Variants in ISCA1 observed in about 807,000 individuals in gnomAD.
The protein encoded by ISCA1 is iron-sulfur cluster assembly 1.
ISCA1 carries 9 observed loss-of-function variants against 14.7 expected under a neutral mutation model. The ratio of observed to expected loss-of-function variants is 0.61; its 90% CI spans 0.37 to 1.07. The LOEUF is 1.07. Among genes scored for constraint, ISCA1 ranks in the 50% least tolerant of loss-of-function variants. The probability of loss-of-function intolerance (pLI) is 0.01; values close to 1 mark genes in which losing one functional copy is unlikely to be tolerated. For missense variants in ISCA1, 102 were observed against 150.1 expected, an observed-to-expected ratio of 0.68 and a Z score of 1.67; for synonymous variants, 38 against 54.3, an observed-to-expected ratio of 0.70 and a Z score of 1.32.
At chr9:86,279,202 G>A (rs551667220) in intron 1 of ISCA1, among the ~76,000 whole-genome samples, 5 of 152,230 alleles carry the variant, frequency 3.3e-5, no homozygotes, top group African/African-American at 9.6e-5. Flanking sequence ...GGCACCTTCC[G>A]TACACAATGA....
intron 3 of ISCA1, among the ~76,000 whole-genome samples, chr9:86,268,269 G>A (rs1825315190): frequency 6.6e-6 from 1 of 152,004 alleles, no homozygotes; most frequent in South Asian, 2.1e-4. Flanking sequence ...CAGGGATATT[G>A]ATGAACCTGA....
chr9:86,271,086 G>C (rs1825363211), intron 3 of ISCA1, among the ~76,000 whole-genome samples: 1 of 148,944 alleles, frequency 6.7e-6, no homozygotes, highest in African/African-American at 2.6e-5. Context: ...AAAACTTAAA[G>C]TATAATAATA....
chr9:86,266,260 A>G lies in ISCA1; in HGVS notation c.242-69T>C, dbSNP rs895879774. On this transcript the variant is annotated intron_variant, in intron 3 of 3. Transcript: ENST00000375991. Reference sequence around the variant, plus strand: ...ATGGAACTTGCTGATTCAAAGCACAAGTGAACTTGAAATAGTGACTATCAA... The same window carrying G: ...ATGGAACTTGCTGATTCAAAGCACAGGTGAACTTGAAATAGTGACTATCAA... 4 of 1,521,924 alleles carry G rather than the reference A, an allele frequency of 2.6e-6. No individual in the cohort carries two copies. The African/African-American group carries it at 5.6e-5, about 21-fold the overall frequency. The allele number at this position is 1,521,924 out of a possible 1,614,324, so 94.3% of individuals were successfully genotyped here.
intron 1 of ISCA1, among the ~76,000 whole-genome samples, chr9:86,274,619 C>G (rs1193624563): frequency 2.6e-5 from 4 of 152,142 alleles, no homozygotes; most frequent in African/African-American, 9.7e-5. Flanking sequence ...ATGAAGGAAT[C>G]AAGTATCTCA....
chr9:86,269,408 G>A (rs1256920687), intron 3 of ISCA1, among the ~76,000 whole-genome samples: 1 of 152,102 alleles, frequency 6.6e-6, no homozygotes, highest in Non-Finnish European at 1.5e-5. Flanking sequence ...TCTTCAAGGA[G>A]AACTACAAAC....
At chr9:86,278,288 G>A (rs993876865) in intron 1 of ISCA1, among the ~76,000 whole-genome samples, 3 of 151,980 alleles carry the variant, frequency 2.0e-5, no homozygotes, top group African/African-American at 7.3e-5. Context: ...GTCAAAATAA[G>A]AAAAGACAAA....
intron 1 of ISCA1, among the ~76,000 whole-genome samples, chr9:86,277,838 G>A (rs1386947837): frequency 1.3e-5 from 2 of 152,182 alleles, no homozygotes; most frequent in African/African-American, 4.8e-5. Flanking sequence ...CTTTTAAAGT[G>A]AGAGGTTATC....
At chr9:86,273,766 C>T (rs1401519289) in intron 2 of ISCA1, among the ~76,000 whole-genome samples, 1 of 152,170 alleles carries the variant, frequency 6.6e-6, no homozygotes, top group East Asian at 1.9e-4. Flanking sequence ...ACAGTCACCT[C>T]TCCGTATCGG....
At chr9:86,273,759 G>C (rs117722836) in intron 2 of ISCA1, among the ~76,000 whole-genome samples, 50 of 152,256 alleles carry the variant, frequency 3.3e-4, no homozygotes, top group Admixed American at 7.8e-4. Flanking sequence ...ACTCTATACA[G>C]TCACCTCTCC....
At chr9:86,281,603 T>C (rs1239546394) in intron 1 of ISCA1, among the ~76,000 whole-genome samples, 1 of 152,236 alleles carries the variant, frequency 6.6e-6, no homozygotes, top group Non-Finnish European at 1.5e-5. Context: ...AATTTTATGT[T>C]ATGTGGATTT....
chr9:86,282,274 G>A (rs1825530361), intron 1 of ISCA1, 104 bp downstream of exon 1: 4 of 1,267,710 alleles, frequency 3.2e-6, no homozygotes, highest in Middle Eastern at 2.8e-4. Context: ...GAGGTCTGAC[G>A]TGTCCGCGTC....
chr9:86,268,564 G>A (rs956908810), intron 3 of ISCA1, among the ~76,000 whole-genome samples: 1 of 151,786 alleles, frequency 6.6e-6, no homozygotes, highest in Non-Finnish European at 1.5e-5. Flanking sequence ...ACGGAGGAAC[G>A]TCCTAGGCTT....
intron 1 of ISCA1, among the ~76,000 whole-genome samples, chr9:86,277,772 C>G (rs1005310349): frequency 6.6e-6 from 1 of 152,128 alleles, no homozygotes; most frequent in Non-Finnish European, 1.5e-5. Flanking sequence ...TAAGAGCTTC[C>G]TGAAGCCCAC....
rs1825289096 is a variant in ISCA1, at chr9:86,266,065, C to T, written c.368G>A (p.Cys123Tyr). 1 of 1,611,936 alleles carries T rather than the reference C, an allele frequency of 6.2e-7. No individual in the cohort carries two copies. Among genetic ancestry groups the T allele is most frequent in the African/African-American group, 1.3e-5 (1 of 74,846 alleles). ...NNPNIKGTCG[C>Y]GESFNI The stretch of plus-strand genomic sequence containing the variant: ...ATTTCAAATATTAAAGCTTTCTCCA[C>T]AGCCACAAGTCCCTTTGATGTTTGG... Residue 123 changes from cysteine to tyrosine, a missense_variant, in exon 4 of 4, where the codon TGT becomes TAT. Coordinates refer to ENST00000375991, the MANE Select transcript of ISCA1 (RefSeq NM_030940.4).
At chr9:86,278,253 T>A (rs1825466487) in intron 1 of ISCA1, among the ~76,000 whole-genome samples, 1 of 152,058 alleles carries the variant, frequency 6.6e-6, no homozygotes, top group Non-Finnish European at 1.5e-5. Context: ...AATCATTCTT[T>A]AACAGCCATG....
intron 1 of ISCA1, among the ~76,000 whole-genome samples, chr9:86,274,737 G>A (rs892507862): frequency 1.3e-5 from 2 of 151,968 alleles, no homozygotes; most frequent in Non-Finnish European, 2.9e-5. Context: ...ATAGCTTGAG[G>A]AAACAGTGTT....
chr9:86,273,202 C>A (rs914450350), intron 2 of ISCA1, among the ~76,000 whole-genome samples: 1 of 152,200 alleles, frequency 6.6e-6, no homozygotes, highest in Admixed American at 6.5e-5. Context: ...ACAACAGAAA[C>A]CAGAAATCAC....
rs1587816834 is a variant in ISCA1 at position 86,265,738 on chromosome 9, G to A, written c.*305C>T. 8 of 415,754 alleles carry A rather than the reference G, an allele frequency of 1.9e-5. No homozygotes were observed. The East Asian group carries it at 2.8e-4, about 14-fold the overall frequency. 25.8% of individuals were successfully genotyped at this position (415,754 alleles called of 1,614,324 possible). On this transcript the variant is annotated 3_prime_UTR_variant, in exon 4 of 4. Coordinates refer to ENST00000375991, the MANE Select transcript of ISCA1 (RefSeq NM_030940.4). ...GAGGGATGATCAAGCCATCAATAGC[G>A]ATCTAAGGAGTGCACACAGTTCAGG...
intron 1 of ISCA1, among the ~76,000 whole-genome samples, chr9:86,276,839 C>T (rs1331023239): frequency 3.1e-5 from 4 of 128,786 alleles, no homozygotes; most frequent in Non-Finnish European, 6.2e-5. Flanking sequence ...CCACTGCACT[C>T]CAGCCTGGGA....
Sources: allele counts gnomAD v4.1 joint callset (sites outside exome capture counted in the v4.1 genomes callset), GRCh38; gene constraint gnomAD v4.1.1; transcripts MANE v1.5; gene names NCBI Gene and HGNC (gene_info 2026-07-23, HGNC 2026-07-21).